The following SNX25 variants were observed in gnomAD, a reference collection of about 807,000 sequenced individuals.
SNX25 encodes sorting nexin 25, also known as sorting nexin-25.
A neutral mutation model predicts 113.7 loss-of-function variants in SNX25; 62 were observed. That is an observed-to-expected ratio of 0.55 (90% CI 0.44 to 0.67). The LOEUF (loss-of-function observed/expected upper bound fraction) is 0.67, where lower values mean the gene tolerates loss of function less well. SNX25 is among the 30% of genes least tolerant of loss of function. The pLI, the probability that SNX25 is intolerant of heterozygous loss-of-function variation, is 0.00. For synonymous variants in SNX25, 421 were observed against 436.2 expected (o/e 0.97, Z 0.43); for missense variants, 1,014 against 1,161.0 (o/e 0.87, Z 1.84).
intron 8 of SNX25, among the ~76,000 whole-genome samples, chr4:185,322,015 C>CA (rs767861660): frequency 1.2e-4 from 19 of 152,238 alleles, no homozygotes; most frequent in Non-Finnish European, 2.8e-4. Context: ...ATCTTAGAAC[C>CA]AATCTTCCAT....
intron 2 of SNX25, among the ~76,000 whole-genome samples, chr4:185,256,912 CTG>C (rs1388344318): frequency 6.6e-6 from 1 of 152,078 alleles, no homozygotes; most frequent in Non-Finnish European, 1.5e-5. Flanking sequence ...GAATGAGCCA[CTG>C]TGCCCAGCCA....
intron 11 of SNX25, among the ~76,000 whole-genome samples, chr4:185,369,141 A>G (rs2095405191): frequency 2.0e-5 from 3 of 150,186 alleles, no homozygotes; most frequent in Admixed American, 6.6e-5. Flanking sequence ...ATTTCAAAAT[A>G]TATTTGACTA....
intron 1 of SNX25, among the ~76,000 whole-genome samples, chr4:185,235,325 G>A (rs532520001): frequency 6.6e-6 from 1 of 152,186 alleles, no homozygotes; most frequent in Non-Finnish European, 1.5e-5. Context: ...AGCTGTGTTG[G>A]TCTTACTAAG....
intron 6 of SNX25, among the ~76,000 whole-genome samples, 189 bp from the exon 7 acceptor site, chr4:185,310,446 A>G (rs771844584): frequency 6.6e-6 from 1 of 152,180 alleles, no homozygotes; most frequent in African/African-American, 2.4e-5. Context: ...TTTAGAAATT[A>G]TATTTAGAAA....
intron 6 of SNX25, among the ~76,000 whole-genome samples, chr4:185,303,613 T>G (rs1754019105): frequency 6.9e-6 from 1 of 143,980 alleles, no homozygotes; most frequent in African/African-American, 2.6e-5. Flanking sequence ...AATCTGAGAT[T>G]GCACCACTGC....
chr4:185,329,291 C>T (rs2095177722), intron 9 of SNX25, among the ~76,000 whole-genome samples: 1 of 152,048 alleles, frequency 6.6e-6, no homozygotes, highest in Non-Finnish European at 1.5e-5. Context: ...TTCTTATAAG[C>T]CAAATTTGGT....
downstream of SNX25, chr4:185,374,276 C>T: frequency 1.2e-6 from 2 of 1,614,090 alleles, no homozygotes; most frequent in Non-Finnish European, 1.7e-6. Context: ...TTCTCGGTTT[C>T]AGCATTTCCT....
Position 185,262,138 on chromosome 4 carries a change from A to T in SNX25, c.732-2300A>T, listed in dbSNP as rs185596813. On this transcript the variant is annotated intron_variant, in intron 3 of 18. Transcript: ENST00000652585. ...GCACCCAGTTGAATTGGCCACTATC[A>T]GACAAAGAATAATAAATTGCCTTAA... Among the ~76,000 whole-genome samples, 289 of 152,322 alleles carry T rather than the reference A, an allele frequency of 1.9e-3. 1 individual carries two copies. The highest frequency in any genetic ancestry group is 6.8e-3 in the African/African-American group (282 of 41,572).
In SNX25 at chr4:185,238,062, C is replaced by CA. The variant is rs10635995; in HGVS notation, c.430-9209dup. On this transcript the variant is annotated intron_variant, in intron 1 of 18. Transcript: ENST00000652585. ...TGGGCTACAGAGCGAGACTCCATCT[C>CA]AAAAAAAAAAAAAAAAAAAAAAATT... is the stretch of plus-strand genomic sequence containing the variant. Among the ~76,000 whole-genome samples, 545 of 87,616 alleles carry CA rather than the reference C, an allele frequency of 6.2e-3. 16 individuals are homozygous for CA. Among genetic ancestry groups the CA allele is most frequent in the Middle Eastern group, 0.019 (3 of 160 alleles). 57.5% of individuals were successfully genotyped at this position (87,616 alleles called of 152,430 possible).
At chr4:185,243,033 G>A (rs1010579009) in intron 1 of SNX25, among the ~76,000 whole-genome samples, 1 of 152,130 alleles carries the variant, frequency 6.6e-6, no homozygotes, top group Non-Finnish European at 1.5e-5. Flanking sequence ...TTTCTAGTAA[G>A]GGCCAGTGAT....
intron 1 of SNX25, among the ~76,000 whole-genome samples, chr4:185,229,180 G>T (rs1463779005): frequency 1.3e-5 from 2 of 149,502 alleles, no homozygotes; most frequent in Non-Finnish European, 3.0e-5. Flanking sequence ...CTGTGGGCGT[G>T]GTACGACAGA....
chr4:185,208,107 A>ATTTAT (rs1464494103), upstream of SNX25, among the ~76,000 whole-genome samples: 3 of 151,940 alleles, frequency 2.0e-5, no homozygotes, highest in African/African-American at 7.3e-5. Flanking sequence ...ATACTGCTTT[A>ATTTAT]TTTATTTTAT....
chr4:185,268,111 A>G (rs554936354), intron 5 of SNX25, among the ~76,000 whole-genome samples: 54 of 152,342 alleles, frequency 3.5e-4, no homozygotes, highest in African/African-American at 1.2e-3. Context: ...GTCAGCTGTA[A>G]TGAGGCTATA....
intron 6 of SNX25, among the ~76,000 whole-genome samples, chr4:185,303,884 A>G (rs1176676452): frequency 6.6e-6 from 1 of 152,138 alleles, no homozygotes; most frequent in Non-Finnish European, 1.5e-5. Context: ...AGAGAAGCCC[A>G]TTTGTTCTTT....
chr4:185,256,760 A>T (rs1746501354), intron 2 of SNX25, among the ~76,000 whole-genome samples: 2 of 150,852 alleles, frequency 1.3e-5, no homozygotes, highest in African/African-American at 2.4e-5. Context: ...AGTAGCTGGG[A>T]ATATAGGCGT....
the SNX25 span, chr4:185,376,882 TGAAAAC>T: frequency 6.6e-7 from 1 of 1,522,402 alleles, no homozygotes; most frequent in Non-Finnish European, 9.1e-7. Flanking sequence ...TTACAGGAAA[TGAAAAC>T]GAATAAACAA....
intron 6 of SNX25, among the ~76,000 whole-genome samples, chr4:185,300,839 T>TCACACACACACACACACACACACACA (rs1560985826): frequency 1.5e-3 from 74 of 49,666 alleles, no homozygotes; most frequent in African/African-American, 6.6e-3. Context: ...ATGATTATTA[T>TCACACACACACACACACACACACACA]GACACACACA....
chr4:185,317,681 G>A (rs1182915292), intron 7 of SNX25, among the ~76,000 whole-genome samples: 1 of 152,138 alleles, frequency 6.6e-6, no homozygotes, highest in Admixed American at 6.6e-5. Flanking sequence ...GGACATGGAT[G>A]AAGCTAGAAA....
At chr4:185,372,002 C>T (rs772647750), downstream of SNX25, among the ~76,000 whole-genome samples, 3 of 152,154 alleles carry the variant, frequency 2.0e-5, no homozygotes, top group Non-Finnish European at 4.4e-5. Flanking sequence ...CTTTTATACA[C>T]TGTGGGTAAA....
Sources: allele counts gnomAD v4.1 joint callset (sites outside exome capture counted in the v4.1 genomes callset), GRCh38; gene constraint gnomAD v4.1.1; transcripts MANE v1.5; gene names NCBI Gene and HGNC (gene_info 2026-07-23, HGNC 2026-07-21).